Variants in DUSP4 observed in about 807,000 individuals in gnomAD.
DUSP4 encodes dual specificity phosphatase 4.
In DUSP4, 12 loss-of-function variants were observed where a neutral mutation model predicts 27.2. That is an observed-to-expected ratio of 0.44 (90% CI 0.28 to 0.71). The LOEUF (loss-of-function observed/expected upper bound fraction) is 0.71, where lower values mean the gene tolerates loss of function less well. Among genes scored for constraint, DUSP4 ranks in the 30% least tolerant of loss-of-function variants. The pLI, the probability that DUSP4 is intolerant of heterozygous loss-of-function variation, is 0.14. For synonymous variants in DUSP4, 257 were observed against 245.2 expected (o/e 1.05, Z -0.45); for missense variants, 448 against 551.3 (o/e 0.81, Z 1.88).
rs1817534975 is a variant in DUSP4, at chr8:29,334,064, C to G, written c.*2962G>C. On this transcript the variant is annotated 3_prime_UTR_variant, in exon 4 of 4. Transcript: ENST00000240100. ...AGCCTAATACTGCTCTGTGGGAAAACTTGGTCCATTTCCCCCAGGGCTCCT... is the reference window on the plus strand; with the variant it reads ...AGCCTAATACTGCTCTGTGGGAAAAGTTGGTCCATTTCCCCCAGGGCTCCT... 6.6e-6 allele frequency: 1 copy of G among 152,258 alleles called. No homozygotes were observed. Among genetic ancestry groups the G allele is most frequent in the South Asian group, 2.1e-4 (1 of 4,834 alleles). 9.4% of individuals were successfully genotyped at this position (152,258 alleles called of 1,614,324 possible). A position where few individuals can be genotyped will look rare whatever the true frequency, so the allele number is the denominator to read the frequency against.
rs746820894 is a variant in DUSP4, at chr8:29,345,531, G to A, written c.433+4315C>T. On this transcript the variant is annotated intron_variant, in intron 1 of 3. Coordinates refer to ENST00000240100, the MANE Select transcript of DUSP4 (RefSeq NM_001394.7). ...GTTGGAGTGAACTTTTCTTCCCATC[G>A]TGCTTCCTCTTCGTTAGCCAGGAAC... is the stretch of plus-strand genomic sequence containing the variant. 5.1e-6 allele frequency: 8 copies of A among 1,558,562 alleles called. No individual in the cohort carries two copies. In the Admixed American group the frequency reaches 1.1e-4, roughly 21 times the overall value.
intron 2 of DUSP4, among the ~76,000 whole-genome samples, chr8:29,339,583 T>C (rs555919362): frequency 6.6e-6 from 1 of 152,260 alleles, no homozygotes; most frequent in South Asian, 2.1e-4. Context: ...ACTTTTTTCT[T>C]AGGAGGATAT....
chr8:29,342,509 C>A (rs551101651), intron 1 of DUSP4, among the ~76,000 whole-genome samples: 1 of 152,220 alleles, frequency 6.6e-6, no homozygotes, highest in East Asian at 1.9e-4. Flanking sequence ...AAAGAGGAAC[C>A]GGGGACAGGG....
At chr8:29,340,962 C>G (rs984316379) in intron 1 of DUSP4, among the ~76,000 whole-genome samples, 1 of 152,036 alleles carries the variant, frequency 6.6e-6, no homozygotes, top group Non-Finnish European at 1.5e-5. Context: ...AAATGGCCAG[C>G]TGAGCTGGGG....
In DUSP4 at chr8:29,337,317, C is replaced by G. The variant is rs914614613; in HGVS notation, c.894G>C (p.Lys298Asn). The G allele has an allele frequency of 3.1e-6, 5 of 1,612,816 alleles. No homozygotes were observed. Among genetic ancestry groups the G allele is most frequent in the Non-Finnish European group, 4.2e-6 (5 of 1,180,002 alleles). The part of the protein sequence containing the change: ...ATICLAYLMM[K>N]KRVRLEEAFE... ...AGGCCTCCTCCAGCCTCACCCGTTTCTTCATCATCAGGTAGGCCAGGCAGA... is the reference window on the plus strand; with the variant it reads ...AGGCCTCCTCCAGCCTCACCCGTTTGTTCATCATCAGGTAGGCCAGGCAGA... Residue 298 changes from lysine to asparagine, a missense_variant, in exon 4 of 4, where the codon AAG becomes AAC. Lys to Asn is a moderately conservative substitution (Grantham distance 94, BLOSUM62 0). Around this residue, in one of 3 missense-constraint regions of DUSP4, gnomAD observed 100 missense variants for 139.8 expected, o/e 0.72. Coordinates refer to ENST00000240100, the MANE Select transcript of DUSP4 (RefSeq NM_001394.7). This position sits in a 1 kb window ranked among gnomAD's most constrained non-coding sequence, Gnocchi z 6.4.
At chr8:29,347,161 C>T (rs1284347039) in intron 1 of DUSP4, among the ~76,000 whole-genome samples, 1 of 152,150 alleles carries the variant, frequency 6.6e-6, no homozygotes, top group African/African-American at 2.4e-5. Context: ...CTCAAAATTC[C>T]CCTTTAGGTC....
rs760649465 is a variant in DUSP4, at chr8:29,345,323, T to C, written c.433+4523A>G. 1.0e-5 allele frequency: 16 copies of C among 1,605,940 alleles called. No individual in the cohort carries two copies. In the South Asian group the frequency reaches 1.4e-4, roughly 14 times the overall value. On this transcript the variant is annotated intron_variant, in intron 1 of 3. Coordinates refer to ENST00000240100, the MANE Select transcript of DUSP4 (RefSeq NM_001394.7). ...TGACTGTTGACTTAGTAAGCACCTA[T>C]GTAAATGCTGAGCTGTATTTAAAAT... is the stretch of plus-strand genomic sequence containing the variant.
chr8:29,349,248 G>C (rs1332042352), intron 1 of DUSP4, among the ~76,000 whole-genome samples: 1 of 152,256 alleles, frequency 6.6e-6, no homozygotes, highest in Non-Finnish European at 1.5e-5. Flanking sequence ...CCGGGACGGG[G>C]ATTGGCCACC....
chr8:29,345,425 C>T (rs377395643), intron 1 of DUSP4: 121 of 1,613,998 alleles, frequency 7.5e-5, no homozygotes, highest in Admixed American at 6.3e-4. Context: ...TGACACCTAA[C>T]GCCATGCTGG....
In DUSP4 at chr8:29,333,249, C is replaced by G. The variant is rs1439265781; in HGVS notation, c.*3777G>C. On this transcript the variant is annotated 3_prime_UTR_variant, in exon 4 of 4. Transcript: ENST00000240100. ...ACTCTGAAAGATGGGGCTATTTACA[C>G]AAGTTACAAGAATTGCGTTGCTGTC... 1 of 152,196 alleles carries G rather than the reference C, an allele frequency of 6.6e-6. No individual in the cohort carries two copies. Among genetic ancestry groups the G allele is most frequent in the African/African-American group, 2.4e-5 (1 of 41,442 alleles). The allele number at this position is 152,196 out of a possible 1,614,324, so 9.4% of individuals were successfully genotyped here. A position where few individuals can be genotyped will look rare whatever the true frequency, so the allele number is the denominator to read the frequency against.
intron 1 of DUSP4, among the ~76,000 whole-genome samples, chr8:29,343,934 T>C (rs983831648): frequency 6.6e-6 from 1 of 152,162 alleles, no homozygotes; most frequent in Non-Finnish European, 1.5e-5. Context: ...GCAAGTACCA[T>C]AGCCACAGCC....
intron 1 of DUSP4, among the ~76,000 whole-genome samples, chr8:29,347,036 C>T (rs1817746196): frequency 6.6e-6 from 1 of 152,220 alleles, no homozygotes; most frequent in Non-Finnish European, 1.5e-5. Flanking sequence ...GACATACATA[C>T]ATTCCCTCGC....
Position 29,350,285 on chromosome 8 carries a change from C to T in DUSP4, c.-7G>A, listed in dbSNP as rs775918620. On this transcript the variant is annotated 5_prime_UTR_variant, in exon 1 of 4. Transcript: ENST00000240100. Reference sequence around the variant, plus strand: ...GCTCCTCCATCGTCACCATGGTCGCCGGGAACCGAGGCGGCTGGGCGCGCG... The same window carrying T: ...GCTCCTCCATCGTCACCATGGTCGCTGGGAACCGAGGCGGCTGGGCGCGCG... The T allele has an allele frequency of 1.9e-6, 3 of 1,565,212 alleles. No homozygotes were observed. Among genetic ancestry groups the T allele is most frequent in the Non-Finnish European group, 2.6e-6 (3 of 1,155,094 alleles).
chr8:29,350,051 C>T lies in DUSP4; in HGVS notation c.228G>A (p.Arg76=), dbSNP rs1459550246. 2 of 1,597,736 alleles carry T rather than the reference C, an allele frequency of 1.3e-6. No individual in the cohort carries two copies. Among genetic ancestry groups the T allele is most frequent in the South Asian group, 2.2e-5 (2 of 89,662 alleles). Reference sequence around the variant, plus strand: ...GCTCCAGGCTCACGGAGCCCTTAGCCCGCCGCCGCACGATGGTGTTACAGC... The same window carrying T: ...GCTCCAGGCTCACGGAGCCCTTAGCTCGCCGCCGCACGATGGTGTTACAGC... The part of the protein sequence containing the change: ...NVRCNTIVRR[R]AKGSVSLEQI... The change falls in exon 1 of 4, where the codon CGG becomes CGA. Residue 76 remains arginine (R), a synonymous_variant. Coordinates refer to ENST00000240100, the MANE Select transcript of DUSP4 (RefSeq NM_001394.7).
rs1332767051 is a variant in DUSP4, at chr8:29,348,835, CGCGCGGAAGAAT to C, written c.433+999_433+1010del. On this transcript the variant is annotated intron_variant, in intron 1 of 3. Transcript: ENST00000240100. ...CGGGCTCGGAAGCGCAGACCCTACC[CGCGCGGAAGAAT>C]GCGCGGAATGCGGCGGCGGGAGGCG... 3.0e-6 allele frequency: 3 copies of C among 984,050 alleles called. No homozygotes were observed. In the South Asian group the frequency reaches 1.4e-4, roughly 46 times the overall value. 61.0% of individuals were successfully genotyped at this position (984,050 alleles called of 1,614,324 possible). A position where few individuals can be genotyped will look rare whatever the true frequency, so the allele number is the denominator to read the frequency against.
chr8:29,348,601 G>C lies in DUSP4; in HGVS notation c.433+1245C>G, dbSNP rs1004566499. ...CGGGGAACAAAGCCCCCCGCTGTCC[G>C]GCAGGGGCGAACCCGGCTCCTCCGC... On this transcript the variant is annotated intron_variant, in intron 1 of 3. Coordinates refer to ENST00000240100, the MANE Select transcript of DUSP4 (RefSeq NM_001394.7). The C allele has an allele frequency of 1.0e-5, 10 of 985,440 alleles. No homozygotes were observed. The African/African-American group carries it at 1.7e-4, about 17-fold the overall frequency. The allele number at this position is 985,440 out of a possible 1,614,324, so 61.0% of individuals were successfully genotyped here.
At chr8:29,343,010 A>G (rs1036768256) in intron 1 of DUSP4, among the ~76,000 whole-genome samples, 18 of 152,048 alleles carry the variant, frequency 1.2e-4, no homozygotes, top group African/African-American at 4.3e-4. Context: ...TACTAAAAAT[A>G]CAAAAAAATT....
chr8:29,348,302 A>G, intron 1 of DUSP4: 2 of 985,536 alleles, frequency 2.0e-6, no homozygotes, highest in Non-Finnish European at 2.4e-6. Flanking sequence ...CAGCGCCGAC[A>G]AGCTCAAACA....
chr8:29,342,285 T>C (rs954265362), intron 1 of DUSP4, among the ~76,000 whole-genome samples: 3 of 152,178 alleles, frequency 2.0e-5, no homozygotes, highest in Admixed American at 2.0e-4. Context: ...ACCCTGAGCA[T>C]GTATCACCTG....
Sources: allele counts gnomAD v4.1 joint callset (sites outside exome capture counted in the v4.1 genomes callset), GRCh38; gene constraint gnomAD v4.1.1; regional missense constraint gnomAD v4.1.1; non-coding constraint Gnocchi (gnomAD v3.1); transcripts MANE v1.5; gene names NCBI Gene and HGNC (gene_info 2026-07-23, HGNC 2026-07-21).